Variants in KCNMB2 observed in about 807,000 individuals in gnomAD.
The protein encoded by KCNMB2 is potassium calcium-activated channel subfamily M regulatory beta subunit 2.
Under a neutral mutation model 24.5 loss-of-function variants are expected in KCNMB2, and 9 were observed. The ratio of observed to expected loss-of-function variants is 0.37; its 90% CI spans 0.22 to 0.64. KCNMB2 has a LOEUF of 0.64. Ranked by LOEUF, KCNMB2 falls within the 30% of genes least tolerant of loss-of-function variation. The pLI, the probability that KCNMB2 is intolerant of heterozygous loss-of-function variation, is 0.63. For missense variants in KCNMB2, 226 were observed against 284.3 expected (o/e 0.79, Z 1.47); for synonymous variants, 109 against 104.4 (o/e 1.04, Z -0.27).
At chr3:178,792,195 CAT>C in intron 1 of KCNMB2, among the ~76,000 whole-genome samples, 1 of 152,110 alleles carries the variant, frequency 6.6e-6, no homozygotes, top group South Asian at 2.1e-4. Context: ...CTTTTCAAGA[CAT>C]AGTATAATAA....
intron 1 of KCNMB2, among the ~76,000 whole-genome samples, chr3:178,563,532 G>C (rs1356009500): frequency 6.6e-6 from 1 of 152,176 alleles, no homozygotes; most frequent in East Asian, 1.9e-4. Flanking sequence ...ATGTGCAACA[G>C]ATACTTGAAG....
intron 1 of KCNMB2, among the ~76,000 whole-genome samples, chr3:178,741,431 G>T (rs1330617363): frequency 6.6e-6 from 1 of 151,890 alleles, no homozygotes; most frequent in African/African-American, 2.4e-5. Context: ...TTTTCCACTG[G>T]CTTTATTAGT....
intron 1 of KCNMB2, among the ~76,000 whole-genome samples, chr3:178,733,976 C>T (rs1480951926): frequency 6.6e-6 from 1 of 151,954 alleles, no homozygotes; most frequent in Non-Finnish European, 1.5e-5. Flanking sequence ...AAAGCAGAGC[C>T]AATAATAGGA....
intron 1 of KCNMB2, among the ~76,000 whole-genome samples, chr3:178,559,985 T>C (rs1453209166): frequency 6.8e-6 from 1 of 147,778 alleles, no homozygotes; most frequent in East Asian, 1.9e-4. Flanking sequence ...ACAATATATG[T>C]ATATTTATAT....
At chr3:178,821,647 G>A (rs1459966487) in intron 2 of KCNMB2, among the ~76,000 whole-genome samples, 9 of 152,122 alleles carry the variant, frequency 5.9e-5, no homozygotes, top group African/African-American at 1.9e-4. Flanking sequence ...TCTTTAGCAA[G>A]GTCAGCAGAA....
At chr3:178,567,595 A>G (rs1207676163) in intron 1 of KCNMB2, among the ~76,000 whole-genome samples, 1 of 152,002 alleles carries the variant, frequency 6.6e-6, no homozygotes, top group Non-Finnish European at 1.5e-5. Context: ...AAAGAGTTAC[A>G]GCTAGCATTC....
chr3:178,685,086 CA>C (rs200679791), intron 1 of KCNMB2, among the ~76,000 whole-genome samples: 12,504 of 152,246 alleles, frequency 0.082, 546 homozygotes, highest in Middle Eastern at 0.13. Flanking sequence ...CTCTGGGGAC[CA>C]TGCCTACCCA....
intron 1 of KCNMB2, chr3:178,749,214 G>A (rs1396648148): frequency 6.6e-6 from 1 of 152,120 alleles, no homozygotes; most frequent in South Asian, 2.1e-4. Flanking sequence ...CAGTTGTTAT[G>A]AAGAATGCAT....
intron 1 of KCNMB2, among the ~76,000 whole-genome samples, chr3:178,609,198 A>T (rs1718387464): frequency 6.6e-6 from 1 of 152,204 alleles, no homozygotes; most frequent in African/African-American, 2.4e-5. Context: ...CTGTGGTGAC[A>T]TGATATGTCA....
chr3:178,718,902 T>C (rs1355658403), intron 1 of KCNMB2, among the ~76,000 whole-genome samples: 4 of 152,126 alleles, frequency 2.6e-5, no homozygotes, highest in African/African-American at 9.7e-5. Context: ...GAAGCCCAAG[T>C]CTAATGAGAT....
intron 1 of KCNMB2, among the ~76,000 whole-genome samples, chr3:178,574,703 A>G (rs567435781): frequency 6.6e-6 from 1 of 152,328 alleles, no homozygotes; most frequent in East Asian, 1.9e-4. Flanking sequence ...CTGACCATCT[A>G]GATTTTATCC....
chr3:178,587,217 A>C (rs1355780717), intron 1 of KCNMB2, among the ~76,000 whole-genome samples: 1 of 152,004 alleles, frequency 6.6e-6, no homozygotes, highest in Non-Finnish European at 1.5e-5. Context: ...TACATTTTCC[A>C]ATCTACTAGG....
At chr3:178,537,451 C>CTGTTT (rs1553809263) in intron 1 of KCNMB2, 1 of 152,110 alleles carries the variant, frequency 6.6e-6, no homozygotes, top group African/African-American at 2.4e-5. Flanking sequence ...TTTTACCTTT[C>CTGTTT]TGTTTTGTTT....
Position 178,653,671 on chromosome 3 carries a change from A to T in KCNMB2, c.-68+116960A>T, listed in dbSNP as rs904816236. Reference sequence around the variant, plus strand: ...AAGTAACAATTGATATAATTAAATAATTTTTTCTCTATTAATGAATTGAAT... The same window carrying T: ...AAGTAACAATTGATATAATTAAATATTTTTTTCTCTATTAATGAATTGAAT... On this transcript the variant is annotated intron_variant, in intron 1 of 4. Coordinates refer to ENST00000452583, the MANE Select transcript of KCNMB2 (RefSeq NM_181361.3). 2.6e-5 allele frequency among the ~76,000 whole-genome samples: 4 copies of T among 151,972 alleles called. No homozygotes were observed. The East Asian group carries it at 5.8e-4, about 22-fold the overall frequency.
At chr3:178,587,544 C>T (rs113487046) in intron 1 of KCNMB2, among the ~76,000 whole-genome samples, 46 of 152,114 alleles carry the variant, frequency 3.0e-4, no homozygotes, top group African/African-American at 1.0e-3. Context: ...CTGCCTCAGC[C>T]TCCAGGGTAG....
At position 178,624,460 on chromosome 3, in the gene KCNMB2, C is replaced by A. The variant is rs191312943; in HGVS notation, c.-68+87749C>A. 8.7e-4 allele frequency among the ~76,000 whole-genome samples: 133 copies of A among 152,112 alleles called. 1 individual carries two copies. Among genetic ancestry groups the A allele is most frequent in the Non-Finnish European group, 1.3e-3 (88 of 67,996 alleles). ...TGTTGCATAAAGTCAAATTTTTCTC[C>A]TTCCAACATACTTGTTGAGACAACA... On this transcript the variant is annotated intron_variant, in intron 1 of 4. Transcript: ENST00000452583.
intron 1 of KCNMB2, among the ~76,000 whole-genome samples, chr3:178,730,901 A>G (rs1723129461): frequency 6.6e-6 from 1 of 152,186 alleles, no homozygotes; most frequent in South Asian, 2.1e-4. Flanking sequence ...AATCTAAAAC[A>G]GTACCCCCTC....
intron 1 of KCNMB2, among the ~76,000 whole-genome samples, chr3:178,698,148 G>A (rs1311124214): frequency 1.3e-5 from 2 of 152,130 alleles, no homozygotes; most frequent in Non-Finnish European, 2.9e-5. Flanking sequence ...GGCTTGTCTA[G>A]CTAGTTTGGG....
chr3:178,622,557 G>A (rs2108528424), intron 1 of KCNMB2, among the ~76,000 whole-genome samples: 1 of 152,334 alleles, frequency 6.6e-6, no homozygotes, highest in South Asian at 2.1e-4. Context: ...CAAGGCCAGA[G>A]TTATCTTAAA....
Sources: allele counts gnomAD v4.1 joint callset (sites outside exome capture counted in the v4.1 genomes callset), GRCh38; gene constraint gnomAD v4.1.1; transcripts MANE v1.5; gene names NCBI Gene and HGNC (gene_info 2026-07-23, HGNC 2026-07-21).